Variants in ARHGAP6 observed in about 807,000 individuals in gnomAD.
The protein encoded by ARHGAP6 is rho GTPase-activating protein 6.
In ARHGAP6, 16 loss-of-function variants were observed where a neutral mutation model predicts 55.7. The observed-to-expected ratio is 0.29, with a 90% CI of 0.19 to 0.44. The LOEUF (loss-of-function observed/expected upper bound fraction) is 0.44. ARHGAP6 is among the 20% of genes least tolerant of loss of function. The pLI is 1.00. For missense variants in ARHGAP6, 698 were observed against 808.9 expected (o/e 0.86, Z 1.66); for synonymous variants, 382 against 360.9 (o/e 1.06, Z -0.66).
chrX:11,358,813 G>A (rs969314657), intron 1 of ARHGAP6, among the ~76,000 whole-genome samples: 1 of 111,574 alleles, frequency 9.0e-6, no homozygotes, highest in Non-Finnish European at 1.9e-5. Flanking sequence ...TCCTCAGGTA[G>A]CTATGAGTGG....
chrX:11,646,328 C>G (rs2052526388), intron 1 of ARHGAP6, among the ~76,000 whole-genome samples: 1 of 111,223 alleles, frequency 9.0e-6, no homozygotes, highest in East Asian at 2.8e-4. Flanking sequence ...AGAGCCAAAC[C>G]ATATCACCCA....
chrX:11,320,258 C>T (rs1395740135), intron 1 of ARHGAP6, among the ~76,000 whole-genome samples: 2 of 111,780 alleles, frequency 1.8e-5, no homozygotes, highest in Non-Finnish European at 3.8e-5. Context: ...AAAGCTAGAC[C>T]GGCATCTCCT....
intron 1 of ARHGAP6, among the ~76,000 whole-genome samples, chrX:11,652,634 G>A (rs2052597261): frequency 8.9e-6 from 1 of 112,141 alleles, no homozygotes; most frequent in Admixed American, 9.5e-5. Flanking sequence ...TAATAATTCA[G>A]TATTAGTGAT....
chrX:11,584,039 A>G (rs1219552708), intron 1 of ARHGAP6, among the ~76,000 whole-genome samples: 4 of 112,119 alleles, frequency 3.6e-5, no homozygotes, highest in African/African-American at 6.5e-5. Flanking sequence ...CCAAAGTGTT[A>G]TTATAAACAA....
chrX:11,301,700 A>G (rs2048176970), intron 1 of ARHGAP6, among the ~76,000 whole-genome samples: 1 of 112,271 alleles, frequency 8.9e-6, no homozygotes, highest in Non-Finnish European at 1.9e-5. Context: ...AATTGAGTCA[A>G]TATTTATTAA....
At chrX:11,642,594 ATCAT>A (rs754326301) in intron 1 of ARHGAP6, among the ~76,000 whole-genome samples, 3 of 112,491 alleles carry the variant, frequency 2.7e-5, no homozygotes, top group Non-Finnish European at 3.8e-5. Context: ...ACAATGGAAT[ATCAT>A]TCAGTCATAC....
At chrX:11,360,237 C>T (rs1207099322) in intron 1 of ARHGAP6, among the ~76,000 whole-genome samples, 1 of 112,032 alleles carries the variant, frequency 8.9e-6, no homozygotes, top group Non-Finnish European at 1.9e-5. Context: ...CCCTGATGAA[C>T]ATTGATGCAA....
At chrX:11,609,721 G>T (rs1422148999) in intron 1 of ARHGAP6, among the ~76,000 whole-genome samples, 1 of 112,101 alleles carries the variant, frequency 8.9e-6, no homozygotes, top group Non-Finnish European at 1.9e-5. Context: ...CTACATTCAG[G>T]ACACTACTCA....
chrX:11,628,383 G>A (rs1395835022), intron 1 of ARHGAP6, among the ~76,000 whole-genome samples: 1 of 112,572 alleles, frequency 8.9e-6, no homozygotes, highest in Non-Finnish European at 1.9e-5. Context: ...ATCATCTTCT[G>A]ATTCAGTAAA....
chrX:11,195,124 C>T (rs868835059), intron 3 of ARHGAP6, among the ~76,000 whole-genome samples: 6 of 111,471 alleles, frequency 5.4e-5, no homozygotes, highest in Middle Eastern at 4.7e-3. Context: ...GAGGCTGAGG[C>T]GGGAGGAGCA....
Position 11,300,478 on chromosome X carries a change from A to C in ARHGAP6, c.589-45771T>G, listed in dbSNP as rs191399494. On this transcript the variant is annotated intron_variant, in intron 1 of 12. Coordinates refer to ENST00000337414, the MANE Select transcript of ARHGAP6 (RefSeq NM_013427.3). The stretch of plus-strand genomic sequence containing the variant: ...AACGAAATAACAAAGAAACTTCAGA[A>C]ATTATAGAGTTCAACTTAAATGGTT... The C allele has an allele frequency of 2.0e-5, 11 of 538,232 alleles. No homozygotes were observed. In the Admixed American group the frequency reaches 3.2e-4, roughly 16 times the overall value. The allele number at this position is 538,232 out of a possible 1,213,427, so 44.4% of individuals were successfully genotyped here. A position where few individuals can be genotyped will look rare whatever the true frequency, so the allele number is the denominator to read the frequency against.
chrX:11,501,864 G>C (rs1047469505), intron 1 of ARHGAP6, among the ~76,000 whole-genome samples: 6 of 111,336 alleles, frequency 5.4e-5, no homozygotes, highest in Non-Finnish European at 1.1e-4. Context: ...AGGAGGGTTG[G>C]GTTTTGCTGT....
At chrX:11,146,012 G>A (rs1215604140) in intron 10 of ARHGAP6, among the ~76,000 whole-genome samples, 1 of 112,315 alleles carries the variant, frequency 8.9e-6, no homozygotes, top group Non-Finnish European at 1.9e-5. Flanking sequence ...AAATCAGGAG[G>A]GAAACCAAAG....
chrX:11,480,559 T>C lies in ARHGAP6; in HGVS notation c.588+183682A>G, dbSNP rs748137044. Among the ~76,000 whole-genome samples, 75 of 112,333 alleles carry C rather than the reference T, an allele frequency of 6.7e-4. 1 individual carries two copies. The highest frequency in any genetic ancestry group is 1.3e-3 in the Non-Finnish European group (69 of 53,273). ...TTATGGTTGTACACCTCTGTAAATA[T>C]ACTAAAAGCCATTTAATTATGCAGT... On this transcript the variant is annotated intron_variant, in intron 1 of 12. Coordinates refer to ENST00000337414, the MANE Select transcript of ARHGAP6 (RefSeq NM_013427.3).
At chrX:11,147,543 C>T (rs2045716146) in intron 10 of ARHGAP6, among the ~76,000 whole-genome samples, 1 of 112,464 alleles carries the variant, frequency 8.9e-6, no homozygotes, top group Middle Eastern at 4.2e-3. Flanking sequence ...ACCTTCATTA[C>T]ACACCTGTGC....
intron 2 of ARHGAP6, among the ~76,000 whole-genome samples, chrX:11,202,799 C>CAAAAAAAAAAAAAAAAAAAAAAA (rs776633959): frequency 1.1e-4 from 1 of 9,451 alleles, no homozygotes; most frequent in African/African-American, 4.3e-4. Context: ...GACTCCGTCT[C>CAAAAAAAAAAAAAAAAAAAAAAA]AAAAAAAAAA....
chrX:11,489,130 A>T (rs1473458922), intron 1 of ARHGAP6, among the ~76,000 whole-genome samples: 1 of 111,835 alleles, frequency 8.9e-6, no homozygotes, highest in Non-Finnish European at 1.9e-5. Context: ...CTCTCAGCCC[A>T]CCCAGGGAAG....
chrX:11,436,995 A>G (rs970972836), intron 1 of ARHGAP6, among the ~76,000 whole-genome samples: 2 of 110,987 alleles, frequency 1.8e-5, no homozygotes, highest in African/African-American at 6.6e-5. Context: ...TTAAAGACCA[A>G]GGAATTGTTC....
At chrX:11,570,608 C>G (rs1200700675) in intron 1 of ARHGAP6, among the ~76,000 whole-genome samples, 2 of 110,742 alleles carry the variant, frequency 1.8e-5, no homozygotes, top group African/African-American at 6.6e-5. Context: ...GAAACTGAGG[C>G]ATGGGGAATC....
Sources: gnomAD v4.1 joint callset for allele counts (sites outside exome capture counted in the v4.1 genomes callset) on GRCh38, gnomAD v4.1.1 for gene constraint, MANE v1.5 for transcripts, NCBI Gene and HGNC (gene_info 2026-07-23, HGNC 2026-07-21) for gene names.